The following ARHGEF28 variants were observed in gnomAD, a reference collection of about 807,000 sequenced individuals.
The protein encoded by ARHGEF28 is Rho guanine nucleotide exchange factor 28, also known as 190 kDa guanine nucleotide exchange factor.
ARHGEF28 carries 152 observed loss-of-function variants against 206.6 expected under a neutral mutation model. The observed-to-expected ratio is 0.74, with a 90% CI of 0.64 to 0.84. The LOEUF (loss-of-function observed/expected upper bound fraction) is 0.84, where lower values mean the gene tolerates loss of function less well. ARHGEF28 is among the 40% of genes least tolerant of loss of function. The pLI is 0.00. For synonymous variants in ARHGEF28, 763 were observed against 776.4 expected (o/e 0.98, Z 0.29); for missense variants, 2,028 against 2,073.2 (o/e 0.98, Z 0.42).
chr5:73,643,455 A>G (rs796656907), intron 1 of ARHGEF28, among the ~76,000 whole-genome samples: 66 of 152,310 alleles, frequency 4.3e-4, no homozygotes, highest in African/African-American at 1.6e-3. Context: ...AAGACATTTA[A>G]TAGTTTTATT....
chr5:73,853,161 A>T (rs1332976417), intron 14 of ARHGEF28, among the ~76,000 whole-genome samples: 1 of 152,256 alleles, frequency 6.6e-6, no homozygotes, highest in Non-Finnish European at 1.5e-5. Context: ...ACTTTTAAGC[A>T]TGATCAGTTT....
intron 4 of ARHGEF28, among the ~76,000 whole-genome samples, chr5:73,770,591 C>T (rs1379085687): frequency 2.0e-5 from 3 of 152,254 alleles, no homozygotes; most frequent in East Asian, 1.9e-4. Flanking sequence ...AACCTCTTTC[C>T]ACAGTTTGTT....
At chr5:73,689,518 T>C (rs1040752090) in intron 2 of ARHGEF28, among the ~76,000 whole-genome samples, 4 of 152,122 alleles carry the variant, frequency 2.6e-5, no homozygotes, top group African/African-American at 9.7e-5. Flanking sequence ...TTAGTCTAAT[T>C]TTTAAAAGAA....
chr5:73,684,580 G>T (rs186563278), intron 1 of ARHGEF28, among the ~76,000 whole-genome samples: 40 of 152,284 alleles, frequency 2.6e-4, no homozygotes, highest in Admixed American at 9.2e-4. Flanking sequence ...AATTCTTTGG[G>T]TATATACCTG....
At chr5:73,784,401 A>ATG (rs1754030155) in intron 7 of ARHGEF28, among the ~76,000 whole-genome samples, 1 of 152,216 alleles carries the variant, frequency 6.6e-6, no homozygotes, top group African/African-American at 2.4e-5. Flanking sequence ...TACTCCCAGA[A>ATG]TAATGGCACA....
intron 1 of ARHGEF28, among the ~76,000 whole-genome samples, chr5:73,663,918 G>T (rs959075418): frequency 1.3e-5 from 2 of 152,176 alleles, no homozygotes; most frequent in Admixed American, 1.3e-4. Flanking sequence ...GAGCCCTAGG[G>T]TAGAGGTGGA....
intron 22 of ARHGEF28, among the ~76,000 whole-genome samples, chr5:73,873,973 A>G (rs1200101355): frequency 6.6e-6 from 1 of 152,164 alleles, no homozygotes; most frequent in Admixed American, 6.5e-5. Flanking sequence ...TGGTTGTACC[A>G]TTTTACATTC....
intron 2 of ARHGEF28, among the ~76,000 whole-genome samples, chr5:73,731,373 A>G (rs1750613448): frequency 6.6e-6 from 1 of 152,212 alleles, no homozygotes; most frequent in South Asian, 2.1e-4. Context: ...TCAAATCATC[A>G]TAAGTTTTGG....
At chr5:73,776,456 T>C in intron 5 of ARHGEF28, 60 bp from the exon 6 acceptor site, 1 of 1,472,550 alleles carries the variant, frequency 6.8e-7, no homozygotes, top group Non-Finnish European at 9.2e-7. Flanking sequence ...TCCTAAGGGC[T>C]GGGATCCTGG....
intron 9 of ARHGEF28, among the ~76,000 whole-genome samples, chr5:73,817,100 T>C (rs910832119): frequency 1.1e-4 from 16 of 152,250 alleles, no homozygotes; most frequent in Non-Finnish European, 7.3e-5. Context: ...ATGCATACTT[T>C]AGTATAAATC....
At chr5:73,715,684 A>C (rs1316938098) in intron 2 of ARHGEF28, among the ~76,000 whole-genome samples, 2 of 152,248 alleles carry the variant, frequency 1.3e-5, no homozygotes. Flanking sequence ...AGCTCATAGC[A>C]CATCCAAAGT....
At chr5:73,845,302 C>T (rs577037042) in intron 11 of ARHGEF28, among the ~76,000 whole-genome samples, 4 of 152,228 alleles carry the variant, frequency 2.6e-5, no homozygotes, top group Admixed American at 6.5e-5. Flanking sequence ...AGGCGTGAGC[C>T]ACTGCGCCCA....
At chr5:73,880,368 C>T (rs1760837269) in intron 22 of ARHGEF28, among the ~76,000 whole-genome samples, 1 of 152,202 alleles carries the variant, frequency 6.6e-6, no homozygotes, top group Non-Finnish European at 1.5e-5. Flanking sequence ...CTCCCTGACC[C>T]CTTGCACTTC....
At chr5:73,712,692 C>T (rs562970409) in intron 2 of ARHGEF28, among the ~76,000 whole-genome samples, 3 of 152,260 alleles carry the variant, frequency 2.0e-5, no homozygotes, top group African/African-American at 7.2e-5. Context: ...ACTTTTCCCT[C>T]GAAATTATCA....
intron 33 of ARHGEF28, among the ~76,000 whole-genome samples, chr5:73,907,092 T>C (rs994182900): frequency 6.6e-6 from 1 of 152,254 alleles, no homozygotes; most frequent in African/African-American, 2.4e-5. Flanking sequence ...TTAGTGAGAA[T>C]GCTTTTAGTG....
chr5:73,896,803 T>A (rs1030542813), intron 29 of ARHGEF28, among the ~76,000 whole-genome samples: 1 of 152,178 alleles, frequency 6.6e-6, no homozygotes, highest in African/African-American at 2.4e-5. Flanking sequence ...AAACTTTCAC[T>A]AACGCTGGGT....
At chr5:73,653,305 G>A (rs1291726528) in intron 1 of ARHGEF28, among the ~76,000 whole-genome samples, 1 of 152,216 alleles carries the variant, frequency 6.6e-6, no homozygotes, top group Non-Finnish European at 1.5e-5. Flanking sequence ...ATTTTGGAAT[G>A]AGTTCAAAGC....
chr5:73,760,289 A>AT (rs1752535301), intron 4 of ARHGEF28, among the ~76,000 whole-genome samples: 1 of 149,032 alleles, frequency 6.7e-6, no homozygotes, highest in Non-Finnish European at 1.5e-5. Flanking sequence ...AATACAAGAA[A>AT]TACAAGTTTC....
chr5:73,814,377 C>G (rs944763287), intron 9 of ARHGEF28, among the ~76,000 whole-genome samples: 1 of 151,982 alleles, frequency 6.6e-6, no homozygotes, highest in Non-Finnish European at 1.5e-5. Flanking sequence ...CTCTTACTTG[C>G]AATCCATTCT....
Sources: allele counts gnomAD v4.1 joint callset (sites outside exome capture counted in the v4.1 genomes callset), GRCh38; gene constraint gnomAD v4.1.1; transcripts MANE v1.5; gene names NCBI Gene and HGNC (gene_info 2026-07-23, HGNC 2026-07-21).